The following MYH14 variants were observed in gnomAD, a reference collection of about 807,000 sequenced individuals.
MYH14 encodes myosin-14.
Under a neutral mutation model 255.5 loss-of-function variants are expected in MYH14, and 123 were observed. The observed-to-expected ratio is 0.48, with a 90% CI of 0.42 to 0.56. The LOEUF is 0.56. Among genes scored for constraint, MYH14 ranks in the 20% least tolerant of loss-of-function variants. MYH14 has a pLI of 0.00. For missense variants in MYH14, 2,423 were observed against 2,802.3 expected, an observed-to-expected ratio of 0.86 and a Z score of 3.06; for synonymous variants, 1,095 against 1,161.2, an observed-to-expected ratio of 0.94 and a Z score of 1.16.
Position 50,252,806 on chromosome 19 carries a change from C to A in MYH14, c.1945+53C>A. 7.6e-7 allele frequency: 1 copy of A among 1,309,910 alleles called. No individual in the cohort carries two copies. The highest frequency in any genetic ancestry group is 1.1e-6 in the Non-Finnish European group (1 of 933,834). The allele number at this position is 1,309,910 out of a possible 1,614,324, so 81.1% of individuals were successfully genotyped here. A position where few individuals can be genotyped will look rare whatever the true frequency, so the allele number is the denominator to read the frequency against. On this transcript the variant is annotated intron_variant, in intron 16 of 42. Transcript: ENST00000642316. This position sits in a 1 kb window ranked among gnomAD's most constrained non-coding sequence, Gnocchi z 4.2. ...TCTAGGGGTCTGTGCGGCCATTCTCCAAATCCACAGCGTGAGCACCTTTGT... is the reference window on the plus strand; with the variant it reads ...TCTAGGGGTCTGTGCGGCCATTCTCAAAATCCACAGCGTGAGCACCTTTGT...
In MYH14 at chr19:50,309,669, C is replaced by T. The variant is rs201986144; in HGVS notation, c.5990C>T (p.Thr1997Met). Residue 1997 changes from threonine (T) to methionine (M), a missense_variant, in exon 43 of 43, where the codon ACG becomes ATG. By Grantham distance (81) the Thr-to-Met change is moderately conservative. Around this residue, in one of 3 missense-constraint regions of MYH14, gnomAD observed 1,513 missense variants for 1,674.8 expected, o/e 0.90. Coordinates refer to ENST00000642316, the MANE Select transcript of MYH14 (RefSeq NM_001145809.2). ...GGCCCCCTCACCTTCACCACCCGCA[C>T]GGTGCGCCAGGTCTTCCGACTAGAG... The part of the protein sequence containing the change: ...RRGPLTFTTR[T>M]VRQVFRLEEG... 210 of 1,610,816 alleles carry T rather than the reference C, an allele frequency of 1.3e-4. 2 individuals are homozygous for T. The highest frequency in any genetic ancestry group is 1.6e-4 in the Non-Finnish European group (189 of 1,178,858).
chr19:50,208,528 T>G (rs1730321434), intron 1 of MYH14, among the ~76,000 whole-genome samples: 1 of 151,762 alleles, frequency 6.6e-6, no homozygotes, highest in Admixed American at 6.6e-5. Context: ...GAGAGAGAAT[T>G]TTTAAAAAAC....
At position 50,232,005 on chromosome 19, in the gene MYH14, G is replaced by A. The variant is rs373908919; in HGVS notation, c.1049G>A (p.Arg350Gln). The A allele has an allele frequency of 8.1e-5, 130 of 1,613,788 alleles. No homozygotes were observed. The highest frequency in any genetic ancestry group is 3.1e-4 in the African/African-American group (23 of 75,060). The stretch of plus-strand genomic sequence containing the variant: ...CCGTCATCCTCTCCCGGCCAGGAGC[G>A]GGAACTCTTCCAGGAGACGCTGGAG... ...NGPSSSPGQE[R>Q]ELFQETLESL... Residue 350 changes from arginine (R) to glutamine (Q), a missense_variant, in exon 10 of 43, where the codon CGG (arginine) becomes CAG (glutamine). Physicochemically the swap from Arg to Gln is conservative, Grantham distance 43 (BLOSUM62 1). This residue lies in a region of MYH14 where 672 missense variants were observed against 881.8 expected (regional missense o/e 0.76). Coordinates refer to ENST00000642316, the MANE Select transcript of MYH14 (RefSeq NM_001145809.2).
At chr19:50,249,861 C>G in intron 14 of MYH14, 38 bp downstream of exon 14, 1 of 1,610,584 alleles carries the variant, frequency 6.2e-7, no homozygotes, top group Non-Finnish European at 8.5e-7. Flanking sequence ...ACTCACGGTT[C>G]AGATCCGTCT....
chr19:50,216,615 A>G (rs899287538), intron 2 of MYH14, among the ~76,000 whole-genome samples: 5 of 151,710 alleles, frequency 3.3e-5, no homozygotes, highest in Middle Eastern at 3.2e-3. Context: ...AAGAGGGGAA[A>G]AAAAAAAAAG....
At chr19:50,281,947 C>A in intron 33 of MYH14, 105 bp downstream of exon 33, 2 of 1,247,322 alleles carry the variant, frequency 1.6e-6, no homozygotes, top group Non-Finnish European at 2.2e-6. Flanking sequence ...CTCAACTAGG[C>A]AGTTGTAGTG....
chr19:50,220,699 C>T (rs968001847), intron 3 of MYH14, among the ~76,000 whole-genome samples: 6 of 151,938 alleles, frequency 3.9e-5, no homozygotes, highest in African/African-American at 1.5e-4. Context: ...ACTACAGGCA[C>T]ATGCCACCAT....
chr19:50,309,970 C>T lies in MYH14; in HGVS notation c.*180C>T. The T allele has an allele frequency of 1.4e-6, 1 of 708,734 alleles. No individual in the cohort carries two copies. The highest frequency in any genetic ancestry group is 2.5e-6 in the Non-Finnish European group (1 of 407,250). 43.9% of individuals were successfully genotyped at this position (708,734 alleles called of 1,614,324 possible). ...TGCAACCTCCCATCAAAGGATGACC[C>T]CTAAACACAGAGGAGCGGGGCAGGC... is the stretch of plus-strand genomic sequence containing the variant. On this transcript the variant is annotated 3_prime_UTR_variant, in exon 43 of 43. Coordinates refer to ENST00000642316, the MANE Select transcript of MYH14 (RefSeq NM_001145809.2).
chr19:50,263,601 C>T (rs998781782), intron 22 of MYH14, among the ~76,000 whole-genome samples, 181 bp downstream of exon 22: 2 of 152,182 alleles, frequency 1.3e-5, no homozygotes, highest in African/African-American at 4.8e-5. Flanking sequence ...AAAAATCTGA[C>T]TCGAACCAAC....
At position 50,230,955 on chromosome 19, in the gene MYH14, T is replaced by C; in HGVS notation, c.973+332T>C. ...CGCGGCTTCTCCTCACTCCGGCGGG[T>C]GACTCCGGCTTTGCTGAGGCTCCTC... On this transcript the variant is annotated intron_variant, in intron 9 of 42. Transcript: ENST00000642316. The surrounding 1 kb of genome is among the most constrained non-coding windows in gnomAD (Gnocchi z 4.7). The C allele has an allele frequency of 3.1e-6, 1 of 319,958 alleles. No individual in the cohort carries two copies. The highest frequency in any genetic ancestry group is 5.9e-6 in the Non-Finnish European group (1 of 168,070). 19.8% of individuals were successfully genotyped at this position (319,958 alleles called of 1,614,324 possible). A position where few individuals can be genotyped will look rare whatever the true frequency, so the allele number is the denominator to read the frequency against.
intron 8 of MYH14, among the ~76,000 whole-genome samples, chr19:50,228,630 C>G (rs775756728): frequency 5.9e-5 from 9 of 152,152 alleles, no homozygotes; most frequent in Non-Finnish European, 1.2e-4. Flanking sequence ...GCCCTTGGCT[C>G]CCACCTCTCC....
chr19:50,286,720 A>G (rs1370480552), intron 34 of MYH14, 26 bp downstream of exon 34: 7 of 1,548,794 alleles, frequency 4.5e-6, no homozygotes, highest in Non-Finnish European at 6.1e-6. Context: ...GCTCCCCGGG[A>G]CACACTGGGT....
At chr19:50,260,851 G>GTGTGTGCATGCATA (rs1228313717) in intron 20 of MYH14, 136 bp downstream of exon 20, 5 of 697,900 alleles carry the variant, frequency 7.2e-6, no homozygotes, top group Non-Finnish European at 1.0e-5. Flanking sequence ...GTGTGCGTGT[G>GTGTGTGCATGCATA]TGTGTGCATG....
In MYH14 at chr19:50,290,997, C is replaced by A. The variant is rs727503229; in HGVS notation, c.5076C>A (p.Ala1692=). 6 of 1,611,888 alleles carry A rather than the reference C, an allele frequency of 3.7e-6. No individual in the cohort carries two copies. Among genetic ancestry groups the A allele is most frequent in the South Asian group, 1.1e-5 (1 of 90,330 alleles). The part of the protein sequence containing the change: ...GELEELKAQM[A]SAGQGKEEAV... ...TGGAGGAGCTGAAGGCTCAGATGGCCTCTGCCGGCCAGGGCAAGGAGGAGG... is the reference window on the plus strand; with the variant it reads ...TGGAGGAGCTGAAGGCTCAGATGGCATCTGCCGGCCAGGGCAAGGAGGAGG... Residue 1692 remains alanine (A), a synonymous_variant, in exon 36 of 43, where the codon GCC becomes GCA. Transcript: ENST00000642316.
chr19:50,250,539 C>T lies in MYH14; in HGVS notation c.1681C>T (p.Leu561=). The T allele has an allele frequency of 6.2e-7, 1 of 1,613,738 alleles. No individual in the cohort carries two copies. Among genetic ancestry groups the T allele is most frequent in the Non-Finnish European group, 8.5e-7 (1 of 1,179,878 alleles). The change falls in exon 15 of 43, where the codon CTG becomes TTG. Residue 561 remains leucine, a synonymous_variant. Coordinates refer to ENST00000642316, the MANE Select transcript of MYH14 (RefSeq NM_001145809.2). This position sits in a 1 kb window ranked among gnomAD's most constrained non-coding sequence, Gnocchi z 5.4. Reference sequence around the variant, plus strand: ...GGCCAACCCCCCTGGACTCCTGGCCCTGCTGGATGAGGAGTGCTGGTTCCC... The same window carrying T: ...GGCCAACCCCCCTGGACTCCTGGCCTTGCTGGATGAGGAGTGCTGGTTCCC... ...RPANPPGLLA[L]LDEECWFPKA...
rs1568467437 is a variant in MYH14 at position 50,217,617 on chromosome 19, GT to G, written c.409del (p.Tyr137ThrfsTer41). 6.2e-7 allele frequency: 1 copy of G among 1,613,894 alleles called. No homozygotes were observed. The highest frequency in any genetic ancestry group is 2.2e-5 in the East Asian group (1 of 44,888). On this transcript the variant is annotated frameshift_variant, in exon 3 of 43. Transcript: ENST00000642316. LOFTEE classifies it high-confidence loss of function. ...ERYYSGLIYT[Y>X]SGLFCVVINP... ...CTCTCCCCTCTCACCCACTGCAGAC[GT>G]ACTCCGGCCTTTTCTGTGTGGTCAT...
chr19:50,294,645 C>T (rs1001484311), intron 39 of MYH14, among the ~76,000 whole-genome samples: 1 of 151,422 alleles, frequency 6.6e-6, no homozygotes, highest in East Asian at 1.9e-4. Flanking sequence ...GGGAGGATCG[C>T]TTCAGCCTGG....
At chr19:50,209,795 A>AAAAAG (rs1473337531) in intron 1 of MYH14, among the ~76,000 whole-genome samples, 5 of 147,804 alleles carry the variant, frequency 3.4e-5, no homozygotes, top group Non-Finnish European at 7.4e-5. Flanking sequence ...AAAAAAAAAA[A>AAAAAG]AAAAGAAAAT....
intron 39 of MYH14, among the ~76,000 whole-genome samples, chr19:50,298,047 T>C (rs2036340916): frequency 6.6e-6 from 1 of 152,138 alleles, no homozygotes; most frequent in Admixed American, 6.5e-5. Flanking sequence ...GTACTGCACA[T>C]GTTCAGCTTC....
Sources: allele counts gnomAD v4.1 joint callset (sites outside exome capture counted in the v4.1 genomes callset), GRCh38; gene constraint gnomAD v4.1.1; regional missense constraint gnomAD v4.1.1; non-coding constraint Gnocchi (gnomAD v3.1); transcripts MANE v1.5; gene names NCBI Gene and HGNC (gene_info 2026-07-23, HGNC 2026-07-21).